The following SDK1 variants were observed in gnomAD, a reference collection of about 807,000 sequenced individuals.
SDK1 encodes the protein protein sidekick-1.
SDK1 carries 157 observed loss-of-function variants against 245.5 expected under a neutral mutation model. The ratio of observed to expected loss-of-function variants is 0.64; its 90% confidence interval spans 0.56 to 0.73. SDK1 has a LOEUF of 0.73. Ranked by LOEUF, SDK1 falls within the 30% of genes least tolerant of loss-of-function variation. The pLI is 0.00. For synonymous variants in SDK1, 1,647 were observed against 1,278.5 expected (o/e 1.29, Z -6.15); for missense variants, 3,583 against 3,002.3 (o/e 1.19, Z -4.52).
chr7:3,490,093 C>T lies in SDK1; in HGVS notation c.299-128987C>T, dbSNP rs1420792884. Reference sequence around the variant, plus strand: ...TGGAATTATTCTCTTCATATTTAGGCGTAGGTACCAATTAAGTGAAAAGAA... The same window carrying T: ...TGGAATTATTCTCTTCATATTTAGGTGTAGGTACCAATTAAGTGAAAAGAA... On this transcript the variant is annotated intron_variant, in intron 1 of 44. Coordinates refer to ENST00000404826, the MANE Select transcript of SDK1 (RefSeq NM_152744.4). 2.3e-4 allele frequency among the ~76,000 whole-genome samples: 35 copies of T among 151,992 alleles called. 1 individual carries two copies. Among genetic ancestry groups the T allele is most frequent in the Admixed American group, 2.3e-3 (35 of 15,264 alleles).
intron 4 of SDK1, among the ~76,000 whole-genome samples, chr7:3,696,572 T>TTG (rs71552319): frequency 0.11 from 15,900 of 147,906 alleles, 1,111 homozygotes; most frequent in East Asian, 0.34. Flanking sequence ...TTCTCTGTGT[T>TTG]TGTGTGTGTG....
intron 4 of SDK1, among the ~76,000 whole-genome samples, chr7:3,671,056 G>A (rs1436080528): frequency 6.6e-6 from 1 of 152,054 alleles, no homozygotes; most frequent in East Asian, 1.9e-4. Flanking sequence ...TCTCCTATTG[G>A]GCTCTAGGCC....
At chr7:3,440,615 A>C (rs1027700496) in intron 1 of SDK1, among the ~76,000 whole-genome samples, 55 of 152,174 alleles carry the variant, frequency 3.6e-4, no homozygotes, top group Non-Finnish European at 4.4e-5. Context: ...TGTTGTTGGC[A>C]ATTAGGATGT....
chr7:3,570,690 C>T (rs1026012261), intron 1 of SDK1, among the ~76,000 whole-genome samples: 9 of 152,246 alleles, frequency 5.9e-5, no homozygotes, highest in Admixed American at 2.6e-4. Flanking sequence ...GGCAGTGGCC[C>T]GGCCATATCC....
intron 22 of SDK1, among the ~76,000 whole-genome samples, chr7:4,087,220 T>G (rs1331269034): frequency 6.6e-6 from 1 of 152,174 alleles, no homozygotes; most frequent in Non-Finnish European, 1.5e-5. Flanking sequence ...GAGGTATGAA[T>G]CCATTTTCAT....
At chr7:3,317,453 C>T (rs529947416) in intron 1 of SDK1, among the ~76,000 whole-genome samples, 2 of 152,268 alleles carry the variant, frequency 1.3e-5, no homozygotes, top group Admixed American at 1.3e-4. Context: ...TTCCCTGTTT[C>T]CTTTAGATGA....
chr7:3,403,309 T>A lies in SDK1; in HGVS notation c.298+101425T>A, dbSNP rs548949900. Among the ~76,000 whole-genome samples, 10 of 152,278 alleles carry A rather than the reference T, an allele frequency of 6.6e-5. 1 individual carries two copies. In the South Asian group the frequency reaches 2.1e-3, roughly 32 times the overall value. ...TGTAATTTAAAATTTTGTAATTTCATTTCATTTTACCCATTTACATCATTA... is the reference window on the plus strand; with the variant it reads ...TGTAATTTAAAATTTTGTAATTTCAATTCATTTTACCCATTTACATCATTA... On this transcript the variant is annotated intron_variant, in intron 1 of 44. Transcript: ENST00000404826.
intron 1 of SDK1, among the ~76,000 whole-genome samples, chr7:3,333,374 C>T (rs138939433): frequency 1.7e-3 from 255 of 152,184 alleles, no homozygotes; most frequent in Admixed American, 2.9e-3. Context: ...CAGAGGTGTT[C>T]GTTACATTTC....
At chr7:3,483,669 T>G (rs904568052) in intron 1 of SDK1, among the ~76,000 whole-genome samples, 2 of 152,176 alleles carry the variant, frequency 1.3e-5, no homozygotes, top group African/African-American at 4.8e-5. Context: ...ATGTAATATT[T>G]TCTCTAAATT....
intron 19 of SDK1, 38 bp downstream of exon 19, chr7:4,051,868 T>A: frequency 6.4e-7 from 1 of 1,568,830 alleles, no homozygotes; most frequent in Non-Finnish European, 8.7e-7. Flanking sequence ...AAGTCACTTG[T>A]CAAAGAGGTG....
chr7:3,799,060 A>T (rs111902415), intron 4 of SDK1, among the ~76,000 whole-genome samples: 2 of 152,130 alleles, frequency 1.3e-5, no homozygotes, highest in African/African-American at 4.8e-5. Flanking sequence ...TTATTATTCA[A>T]TCATTATTTG....
intron 1 of SDK1, among the ~76,000 whole-genome samples, chr7:3,595,300 A>G (rs1450072596): frequency 6.6e-6 from 1 of 152,016 alleles, no homozygotes; most frequent in Non-Finnish European, 1.5e-5. Context: ...TTGCTTGTAA[A>G]AAATTATATA....
intron 1 of SDK1, among the ~76,000 whole-genome samples, chr7:3,574,304 G>A (rs982579153): frequency 4.0e-5 from 6 of 151,822 alleles, no homozygotes; most frequent in African/African-American, 1.2e-4. Flanking sequence ...TTTTAGTAGA[G>A]ACAGGGTTTC....
intron 4 of SDK1, among the ~76,000 whole-genome samples, chr7:3,752,055 A>G (rs560336502): frequency 1.3e-5 from 2 of 152,306 alleles, no homozygotes; most frequent in East Asian, 3.9e-4. Flanking sequence ...ACATTTCAGA[A>G]CAAGCTTTTG....
chr7:3,337,102 C>T (rs986755914), intron 1 of SDK1, among the ~76,000 whole-genome samples: 5 of 152,146 alleles, frequency 3.3e-5, no homozygotes, highest in Non-Finnish European at 7.4e-5. Context: ...TCAGCAGGTG[C>T]TAACTGATTT....
intron 14 of SDK1, among the ~76,000 whole-genome samples, chr7:3,991,751 C>T (rs1159141984): frequency 6.6e-6 from 1 of 152,204 alleles, no homozygotes; most frequent in African/African-American, 2.4e-5. Flanking sequence ...GTTCTGATTT[C>T]CACTGTGTGA....
Position 3,711,342 on chromosome 7 carries a change from A to C in SDK1, c.713+69237A>C, listed in dbSNP as rs11980122. Among the ~76,000 whole-genome samples, 719 of 152,320 alleles carry C rather than the reference A, an allele frequency of 4.7e-3. 6 individuals are homozygous for C. The highest frequency in any genetic ancestry group is 0.02 in the Middle Eastern group (6 of 294). ...TGAGTCCTGGGCTCACACTTCAGGG[A>C]TACATCAGGAGACAAGTAAGGCCTC... On this transcript the variant is annotated intron_variant, in intron 4 of 44. Transcript: ENST00000404826.
chr7:4,216,071 G>A (rs777153085), intron 38 of SDK1, among the ~76,000 whole-genome samples: 2 of 152,234 alleles, frequency 1.3e-5, no homozygotes, highest in Non-Finnish European at 2.9e-5. Context: ...GGTTCAGGAA[G>A]CACTCATCCT....
chr7:3,466,649 T>A (rs1198563818), intron 1 of SDK1, among the ~76,000 whole-genome samples: 1 of 151,588 alleles, frequency 6.6e-6, no homozygotes, highest in African/African-American at 2.4e-5. Context: ...TGCTTGTCAT[T>A]CTTGCTTATC....
Sources: allele counts gnomAD v4.1 joint callset (sites outside exome capture counted in the v4.1 genomes callset), GRCh38; gene constraint gnomAD v4.1.1; transcripts MANE v1.5; gene names NCBI Gene and HGNC (gene_info 2026-07-23, HGNC 2026-07-21).